CFAP221: variants seen among roughly 807,000 people sequenced by gnomAD.
CFAP221 encodes the protein cilia and flagella associated protein 221, also known as cilia- and flagella-associated protein 221.
A neutral mutation model predicts 113.1 loss-of-function variants in CFAP221; 97 were observed. The ratio of observed to expected loss-of-function variants is 0.86; its 90% CI spans 0.73 to 1.02. The LOEUF is 1.02. Ranked by LOEUF, CFAP221 falls within the 50% of genes least tolerant of loss-of-function variation. CFAP221 has a pLI of 0.00. For missense variants in CFAP221, 1,025 were observed against 1,013.4 expected (o/e 1.01, Z -0.16); for synonymous variants, 331 against 354.4 (o/e 0.93, Z 0.74).
At chr2:119,608,055 T>A (rs1279877131) in intron 11 of CFAP221, among the ~76,000 whole-genome samples, 2 of 152,256 alleles carry the variant, frequency 1.3e-5, no homozygotes, top group East Asian at 3.8e-4. Context: ...ATATGGTAAC[T>A]CTATGTTTAA....
Position 119,587,099 on chromosome 2 carries a change from CTTTT to C in CFAP221, c.528-17_528-14del. ...TAAAGAAAAATAATATTTTTATTTTCTTTTTTGTTTGTTTTGCAGCAAAACTTAT... is the reference window on the plus strand; with the variant it reads ...TAAAGAAAAATAATATTTTTATTTTCTTGTTTGTTTTGCAGCAAAACTTAT... On this transcript the variant is annotated splice_polypyrimidine_tract_variant and intron_variant, in intron 6 of 23. Transcript: ENST00000413369. 1 of 1,460,016 alleles carries C rather than the reference CTTTT, an allele frequency of 6.8e-7. No individual in the cohort carries two copies. Among genetic ancestry groups the C allele is most frequent in the Non-Finnish European group, 9.1e-7 (1 of 1,101,508 alleles). The allele number at this position is 1,460,016 out of a possible 1,614,324, so 90.4% of individuals were successfully genotyped here.
chr2:119,617,305 G>T (rs577368106), intron 14 of CFAP221, among the ~76,000 whole-genome samples: 57 of 152,274 alleles, frequency 3.7e-4, no homozygotes, highest in African/African-American at 1.4e-3. Context: ...CCAAGAGCCA[G>T]TGTCCCTGGT....
chr2:119,634,937 T>C (rs1037507217), intron 19 of CFAP221, among the ~76,000 whole-genome samples: 1 of 152,188 alleles, frequency 6.6e-6, no homozygotes, highest in Non-Finnish European at 1.5e-5. Flanking sequence ...TTTAAAAATT[T>C]GTTAAAAGGG....
chr2:119,607,252 A>G (rs944758329), intron 11 of CFAP221, among the ~76,000 whole-genome samples: 1 of 152,204 alleles, frequency 6.6e-6, no homozygotes, highest in African/African-American at 2.4e-5. Flanking sequence ...CCTGGCCTCC[A>G]AAGTGCTGGG....
chr2:119,654,681 C>G (rs1364519017), intron 23 of CFAP221, among the ~76,000 whole-genome samples: 1 of 152,180 alleles, frequency 6.6e-6, no homozygotes, highest in Admixed American at 6.5e-5. Context: ...TAAACATTTT[C>G]TGCACACCAA....
At chr2:119,641,205 G>A (rs1879709) in intron 21 of CFAP221, among the ~76,000 whole-genome samples, 143,966 of 152,256 alleles carry the variant, frequency 0.95, 68,144 homozygotes, top group East Asian at 0.99. Context: ...CCCATGTGCC[G>A]TCCCCTTGGG....
intron 23 of CFAP221, among the ~76,000 whole-genome samples, chr2:119,655,629 C>T (rs972410951): frequency 3.3e-5 from 5 of 152,178 alleles, no homozygotes; most frequent in Admixed American, 1.3e-4. Context: ...CCAAAACACT[C>T]GTCATTTCCT....
intron 6 of CFAP221, chr2:119,580,270 C>T (rs1326302076): frequency 1.3e-5 from 2 of 152,134 alleles, no homozygotes; most frequent in Admixed American, 6.5e-5. Context: ...GTAGACAATC[C>T]TATGAAGTTT....
Position 119,617,036 on chromosome 2 carries a change from A to G in CFAP221, c.1410+1327A>G, listed in dbSNP as rs532655837. On this transcript the variant is annotated intron_variant, in intron 14 of 23. Coordinates refer to ENST00000413369, the MANE Select transcript of CFAP221 (RefSeq NM_001271049.2). ...CACTTTCTGATCCTGGACAAGTTAT[A>G]TAACCACTGTGCCTTAGTTTCCTCA... Among the ~76,000 whole-genome samples, 3 of 152,354 alleles carry G rather than the reference A, an allele frequency of 2.0e-5. 1 individual carries two copies. The highest frequency in any genetic ancestry group is 1.9e-4 in the East Asian group (1 of 5,180).
At chr2:119,630,980 T>C (rs1037240773) in intron 19 of CFAP221, 79 bp downstream of exon 19, 30 of 1,514,066 alleles carry the variant, frequency 2.0e-5, no homozygotes, top group Non-Finnish European at 2.7e-5. Flanking sequence ...AGAGCACTCA[T>C]TGGGAATATT....
At chr2:119,566,709 C>T (rs1176080546) in intron 6 of CFAP221, among the ~76,000 whole-genome samples, 1 of 152,238 alleles carries the variant, frequency 6.6e-6, no homozygotes, top group East Asian at 1.9e-4. Context: ...CTGAGCCCTA[C>T]CTCACTGGTC....
intron 6 of CFAP221, among the ~76,000 whole-genome samples, chr2:119,567,662 G>C (rs180929599): frequency 2.0e-5 from 3 of 152,140 alleles, no homozygotes; most frequent in Admixed American, 1.3e-4. Context: ...GGATTGTATG[G>C]TAAGAGTATG....
At chr2:119,589,179 C>T (rs974609526) in intron 7 of CFAP221, among the ~76,000 whole-genome samples, 1 of 151,984 alleles carries the variant, frequency 6.6e-6, no homozygotes, top group African/African-American at 2.4e-5. Context: ...AATCTCAGGT[C>T]ATCGTTGCTC....
intron 15 of CFAP221, among the ~76,000 whole-genome samples, chr2:119,626,065 C>G (rs950441548): frequency 6.6e-6 from 1 of 152,176 alleles, no homozygotes; most frequent in Non-Finnish European, 1.5e-5. Flanking sequence ...CAGGGGAGCC[C>G]AAGTCGTTGC....
intron 22 of CFAP221, among the ~76,000 whole-genome samples, chr2:119,649,214 A>G (rs558754897): frequency 6.6e-6 from 1 of 152,344 alleles, no homozygotes; most frequent in African/African-American, 2.4e-5. Flanking sequence ...CCTGGCTTAC[A>G]TAGGTTTGAC....
chr2:119,636,075 A>G (rs1354833125), intron 19 of CFAP221, among the ~76,000 whole-genome samples: 1 of 152,044 alleles, frequency 6.6e-6, no homozygotes, highest in Non-Finnish European at 1.5e-5. Flanking sequence ...CCTTGATACC[A>G]GAACTCTTCT....
At chr2:119,576,445 A>T (rs899986962) in intron 6 of CFAP221, among the ~76,000 whole-genome samples, 5 of 152,134 alleles carry the variant, frequency 3.3e-5, no homozygotes, top group African/African-American at 1.2e-4. Context: ...ACAAGTGAAA[A>T]CATGCGGTAT....
rs1197030214 is a variant in CFAP221 at position 119,549,156 on chromosome 2, C to A, written c.211C>A (p.Gln71Lys). ...TGGCATAATACATTTTGGAGGCTAT[C>A]AAGTAGAAAAACAACACCAACAGAT... ...RPGIIHFGGY[Q>K]VEKQHQQILH... The change falls in exon 3 of 24, where the codon CAA becomes AAA. Residue 71 changes from glutamine to lysine, a missense_variant. Physicochemically the swap from Gln to Lys is moderately conservative, Grantham distance 53 (BLOSUM62 1). Transcript: ENST00000413369. 1 of 1,534,656 alleles carries A rather than the reference C, an allele frequency of 6.5e-7. No homozygotes were observed. Among genetic ancestry groups the A allele is most frequent in the Admixed American group, 2.0e-5 (1 of 50,718 alleles).
At position 119,628,294 on chromosome 2, in the gene CFAP221, G is replaced by GGTGTGTGTGTGT. The variant is rs70949303; in HGVS notation, c.1650+537_1650+548dup. ...CTTCTCTCTCTCTCTCTCTCTGGGG[G>GGTGTGTGTGTGT]GTGTGTGTGTGTGTGTGTGTGTGTG... On this transcript the variant is annotated intron_variant, in intron 16 of 23. Coordinates refer to ENST00000413369, the MANE Select transcript of CFAP221 (RefSeq NM_001271049.2). 2.5e-3 allele frequency among the ~76,000 whole-genome samples: 339 copies of GGTGTGTGTGTGT among 137,568 alleles called. 2 individuals are homozygous for GGTGTGTGTGTGT. Among genetic ancestry groups the GGTGTGTGTGTGT allele is most frequent in the East Asian group, 5.5e-3 (25 of 4,508 alleles). 90.2% of individuals were successfully genotyped at this position (137,568 alleles called of 152,430 possible). A position where few individuals can be genotyped will look rare whatever the true frequency, so the allele number is the denominator to read the frequency against.
Sources: allele counts gnomAD v4.1 joint callset (sites outside exome capture counted in the v4.1 genomes callset), GRCh38; gene constraint gnomAD v4.1.1; transcripts MANE v1.5; gene names NCBI Gene and HGNC (gene_info 2026-07-23, HGNC 2026-07-21).